The following PRDM16 variants were observed in gnomAD, a reference collection of about 807,000 sequenced individuals.
The protein encoded by PRDM16 is PR/SET domain 16, also known as histone-lysine N-methyltransferase PRDM16.
A neutral mutation model predicts 110.6 loss-of-function variants in PRDM16; 23 were observed. That is an observed-to-expected ratio of 0.21 (90% CI 0.15 to 0.29). The LOEUF (loss-of-function observed/expected upper bound fraction) is 0.29. PRDM16 is among the 10% of genes least tolerant of loss of function. The probability of loss-of-function intolerance (pLI) is 1.00; values close to 1 mark genes in which losing one functional copy is unlikely to be tolerated. For synonymous variants in PRDM16, 799 were observed against 781.8 expected, an observed-to-expected ratio of 1.02 and a Z score of -0.37; for missense variants, 1,615 against 1,794.3, an observed-to-expected ratio of 0.90 and a Z score of 1.81.
At chr1:3,183,401 T>C (rs977655213) in intron 1 of PRDM16, among the ~76,000 whole-genome samples, 1 of 152,204 alleles carries the variant, frequency 6.6e-6, no homozygotes, top group Non-Finnish European at 1.5e-5. Flanking sequence ...GGCTTCCCGC[T>C]TTCTCCGGGC....
chr1:3,210,080 T>C (rs1192791642), intron 2 of PRDM16, among the ~76,000 whole-genome samples: 1 of 152,232 alleles, frequency 6.6e-6, no homozygotes, highest in Admixed American at 6.5e-5. Flanking sequence ...CAGGTATGGA[T>C]GTCTAGAACA....
intron 1 of PRDM16, among the ~76,000 whole-genome samples, chr1:3,119,488 C>T (rs1486952988): frequency 6.6e-6 from 1 of 152,172 alleles, no homozygotes; most frequent in East Asian, 1.9e-4. Context: ...TCTAGTGTGG[C>T]CTTGGGTCAC....
rs949258346 is a variant in PRDM16 at position 3,101,145 on chromosome 1, G to A, written c.37+31849G>A. On this transcript the variant is annotated intron_variant, in intron 1 of 16. Transcript: ENST00000270722. ...CTCCTCGCTGTGCCCCTTCGGTCTG[G>A]GGAACAGAGACTGTGCCACGATGAG... Among the ~76,000 whole-genome samples the A allele has an allele frequency of 5.9e-5, 9 of 152,234 alleles. No individual in the cohort carries two copies. The South Asian group carries it at 1.5e-3, about 25-fold the overall frequency.
intron 1 of PRDM16, among the ~76,000 whole-genome samples, chr1:3,166,647 T>C (rs1480876156): frequency 6.6e-6 from 1 of 152,220 alleles, no homozygotes; most frequent in Non-Finnish European, 1.5e-5. Flanking sequence ...CCTGGCTCCC[T>C]GACCCACAAG....
chr1:3,123,444 G>C (rs1275975503), intron 1 of PRDM16, among the ~76,000 whole-genome samples: 1 of 152,246 alleles, frequency 6.6e-6, no homozygotes, highest in East Asian at 1.9e-4. Context: ...AAGGGTGTCT[G>C]CCAGCAGCTA....
In PRDM16 at chr1:3,255,912, C is replaced by CACCCGAAGCCAACCCCGTGGCCGCACT. The variant is rs1640034966; in HGVS notation, c.438+11775_438+11776insACCCGAAGCCAACCCCGTGGCCGCACT. ...CCCGAAGCCAACCCCGTGGCCGCAC[C>CACCCGAAGCCAACCCCGTGGCCGCACT]GACACCTGAAGCCAATCCCGTGGCC... is the stretch of plus-strand genomic sequence containing the variant. On this transcript the variant is annotated intron_variant, in intron 3 of 16. Coordinates refer to ENST00000270722, the MANE Select transcript of PRDM16 (RefSeq NM_022114.4). The surrounding 1 kb of genome is among the most constrained non-coding windows in gnomAD (Gnocchi z 4.7). Among the ~76,000 whole-genome samples the CACCCGAAGCCAACCCCGTGGCCGCACT allele has an allele frequency of 1.4e-5, 1 of 70,452 alleles. No individual in the cohort carries two copies. Among genetic ancestry groups the CACCCGAAGCCAACCCCGTGGCCGCACT allele is most frequent in the Non-Finnish European group, 4.7e-5 (1 of 21,314 alleles). The allele number at this position is 70,452 out of a possible 152,430, so 46.2% of individuals were successfully genotyped here.
At chr1:3,229,414 CCT>C (rs1639358604) in intron 2 of PRDM16, among the ~76,000 whole-genome samples, 1 of 136,434 alleles carries the variant, frequency 7.3e-6, no homozygotes, top group Non-Finnish European at 1.5e-5. Context: ...CCCCCATGCC[CCT>C]GTCTTTCTCC....
intron 2 of PRDM16, among the ~76,000 whole-genome samples, chr1:3,212,394 T>C (rs577868664): frequency 5.9e-5 from 9 of 152,240 alleles, no homozygotes; most frequent in East Asian, 1.9e-4. Context: ...CAGGGCTGCC[T>C]GAGCGGGGGC....
intron 1 of PRDM16, among the ~76,000 whole-genome samples, chr1:3,102,219 G>A (rs1642550472): frequency 2.0e-5 from 3 of 152,280 alleles, no homozygotes; most frequent in East Asian, 1.9e-4. Flanking sequence ...TAGAGGTGGC[G>A]CCACCACCCA....
intron 1 of PRDM16, among the ~76,000 whole-genome samples, chr1:3,128,801 A>G (rs2742670): frequency 0.56 from 85,423 of 152,176 alleles, 26,833 homozygotes; most frequent in African/African-American, 0.86. Flanking sequence ...GCGTAGCCTG[A>G]AGAGTGGACA....
intron 3 of PRDM16, among the ~76,000 whole-genome samples, chr1:3,327,888 A>G (rs974561318): frequency 6.6e-6 from 1 of 152,242 alleles, no homozygotes; most frequent in Non-Finnish European, 1.5e-5. Context: ...CCCCCATTCC[A>G]CAGATGGGGT....
At position 3,374,370 on chromosome 1, in the gene PRDM16, G is replaced by A. The variant is rs184914450; in HGVS notation, c.439-10782G>A. On this transcript the variant is annotated intron_variant, in intron 3 of 16. Transcript: ENST00000270722. ...TTAAAAATGACACATCTGTAAGCTG[G>A]GATCCCCGTTACAGAAATACAGTTT... Among the ~76,000 whole-genome samples the A allele has an allele frequency of 1.6e-3, 249 of 152,310 alleles. 4 individuals carry two copies. Among genetic ancestry groups the A allele is most frequent in the Non-Finnish European group, 2.2e-4 (15 of 68,032 alleles).
At chr1:3,235,999 G>T (rs949436411) in intron 2 of PRDM16, among the ~76,000 whole-genome samples, 2 of 152,140 alleles carry the variant, frequency 1.3e-5, no homozygotes, top group African/African-American at 2.4e-5. Context: ...AGTTTGGGAA[G>T]GTCTGAACGT....
At chr1:3,277,733 GCACACACGCA>G (rs1296511056) in intron 3 of PRDM16, among the ~76,000 whole-genome samples, 1 of 150,454 alleles carries the variant, frequency 6.6e-6, no homozygotes. Flanking sequence ...ACACACGCGC[GCACACACGCA>G]CACGCACACA....
intron 1 of PRDM16, among the ~76,000 whole-genome samples, chr1:3,111,213 G>C (rs554432507): frequency 6.6e-6 from 1 of 152,288 alleles, no homozygotes; most frequent in South Asian, 2.1e-4. Flanking sequence ...GTCACAGCCT[G>C]CCTGTGCCAA....
At chr1:3,409,834 G>GGTGTGTTGTGTGTGTATGTGCGT (rs1643645766) in intron 8 of PRDM16, among the ~76,000 whole-genome samples, 1 of 125,800 alleles carries the variant, frequency 7.9e-6, no homozygotes, top group Admixed American at 7.8e-5. Flanking sequence ...GTTGTGTGTG[G>GGTGTGTTGTGTGTGTATGTGCGT]GTGTGTGGTG....
chr1:3,334,348 A>C (rs1190558550), intron 3 of PRDM16, among the ~76,000 whole-genome samples: 5 of 152,164 alleles, frequency 3.3e-5, no homozygotes, highest in Non-Finnish European at 7.4e-5. Context: ...TCCATCAGGA[A>C]GGGCACAAAG....
intron 1 of PRDM16, among the ~76,000 whole-genome samples, chr1:3,126,169 C>A (rs1054760463): frequency 2.0e-5 from 3 of 152,220 alleles, no homozygotes; most frequent in Admixed American, 6.5e-5. Context: ...TGGGCCCGGG[C>A]GCCGCTGGCC....
intron 3 of PRDM16, among the ~76,000 whole-genome samples, chr1:3,336,066 C>G (rs1159274597): frequency 1.3e-5 from 2 of 152,236 alleles, no homozygotes; most frequent in Non-Finnish European, 2.9e-5. Context: ...TGTGCAGAAC[C>G]CCAATCTCCA....
Sources: gnomAD v4.1 joint callset for allele counts (sites outside exome capture counted in the v4.1 genomes callset) on GRCh38, gnomAD v4.1.1 for gene constraint, Gnocchi (gnomAD v3.1) non-coding constraint, MANE v1.5 for transcripts, NCBI Gene and HGNC (gene_info 2026-07-23, HGNC 2026-07-21) for gene names.